RGS7: variants seen among roughly 807,000 people sequenced by gnomAD.
RGS7 encodes the protein regulator of G protein signaling 7.
A neutral mutation model predicts 81.1 loss-of-function variants in RGS7; 27 were observed. The observed-to-expected ratio is 0.33, with a 90% CI of 0.25 to 0.46. RGS7 has a LOEUF of 0.46. Among genes scored for constraint, RGS7 ranks in the 20% least tolerant of loss-of-function variants. RGS7 has a pLI of 1.00. For missense variants in RGS7, 396 were observed against 607.4 expected (o/e 0.65, Z 3.66); for synonymous variants, 208 against 207.7 (o/e 1.00, Z -0.01).
rs373878791 is a variant in RGS7, at chr1:240,936,751, T to C, written c.227-45A>G. On this transcript the variant is annotated intron_variant, in intron 4 of 18. Coordinates refer to ENST00000440928, the MANE Select transcript of RGS7 (RefSeq NM_001364886.1). ...AAAGAACATAAAAAAGCCTTTTAAATGTATTCTTTTATAGGAATGTAACGT... is the reference window on the plus strand; with the variant it reads ...AAAGAACATAAAAAAGCCTTTTAAACGTATTCTTTTATAGGAATGTAACGT... The C allele has an allele frequency of 1.2e-4, 164 of 1,418,310 alleles. 1 individual carries two copies. The East Asian group carries it at 1.3e-3, about 11-fold the overall frequency. 87.9% of individuals were successfully genotyped at this position (1,418,310 alleles called of 1,614,324 possible).
chr1:241,283,068 C>T (rs1205366730), intron 2 of RGS7, among the ~76,000 whole-genome samples: 1 of 152,102 alleles, frequency 6.6e-6, no homozygotes, highest in Non-Finnish European at 1.5e-5. Flanking sequence ...CCCTTCATGT[C>T]CTTTTATCCT....
intron 2 of RGS7, among the ~76,000 whole-genome samples, chr1:241,155,636 G>T (rs1324104303): frequency 6.7e-6 from 1 of 149,316 alleles, no homozygotes; most frequent in Non-Finnish European, 1.5e-5. Flanking sequence ...CCCAAATTGA[G>T]CACCTTTTAA....
At chr1:241,268,751 T>C (rs1915867) in intron 2 of RGS7, among the ~76,000 whole-genome samples, 129,160 of 152,122 alleles carry the variant, frequency 0.85, 55,020 homozygotes, top group East Asian at 1. Context: ...TGCTCAATGA[T>C]ACCTGCAGAC....
At chr1:241,300,030 G>C (rs1573566401) in intron 2 of RGS7, among the ~76,000 whole-genome samples, 1 of 149,552 alleles carries the variant, frequency 6.7e-6, no homozygotes, top group Non-Finnish European at 1.5e-5. Context: ...TGGGAAGATC[G>C]CCTGAACCCA....
rs149652943 is a variant in RGS7, at chr1:241,045,983, G to A, written c.175+52683C>T. On this transcript the variant is annotated intron_variant, in intron 3 of 18. Coordinates refer to ENST00000440928, the MANE Select transcript of RGS7 (RefSeq NM_001364886.1). The stretch of plus-strand genomic sequence containing the variant: ...CAATTGAAGGTGTGCCCTGGTCTAT[G>A]GAAAGTACCTTTGGCATTTAGACTT... Among the ~76,000 whole-genome samples, 3 of 150,974 alleles carry A rather than the reference G, an allele frequency of 2.0e-5. No individual in the cohort carries two copies. The East Asian group carries it at 5.8e-4, about 29-fold the overall frequency.
rs1479399427 is a variant in RGS7, at chr1:241,144,964, T to TGTGTGTGTGTGTGTGTGTGTGTG, written c.79-46203_79-46202insCACACACACACACACACACACAC. Among the ~76,000 whole-genome samples the TGTGTGTGTGTGTGTGTGTGTGTG allele has an allele frequency of 2.8e-4, 41 of 144,492 alleles. No homozygotes were observed. Among genetic ancestry groups the TGTGTGTGTGTGTGTGTGTGTGTG allele is most frequent in the African/African-American group, 1.1e-3 (39 of 36,912 alleles). The allele number at this position is 144,492 out of a possible 152,430, so 94.8% of individuals were successfully genotyped here. A position where few individuals can be genotyped will look rare whatever the true frequency, so the allele number is the denominator to read the frequency against. ...GTGTGTGTGTGTGTGTGTGTGTGTG[T>TGTGTGTGTGTGTGTGTGTGTGTG]TCGTGTTCATTCTTCCTGTTCCTGT... is the stretch of plus-strand genomic sequence containing the variant. On this transcript the variant is annotated intron_variant, in intron 2 of 18. Transcript: ENST00000440928. The surrounding 1 kb of genome is among the most constrained non-coding windows in gnomAD (Gnocchi z 4.7).
chr1:241,355,885 C>G, intron 1 of RGS7, 59 bp from the exon 2 acceptor site: 1 of 887,588 alleles, frequency 1.1e-6, no homozygotes, highest in Non-Finnish European at 1.9e-6. Flanking sequence ...GATTCATCAT[C>G]ATCATTCACA....
At chr1:240,835,574 C>A (rs1462970758) in intron 9 of RGS7, among the ~76,000 whole-genome samples, 2 of 152,196 alleles carry the variant, frequency 1.3e-5, no homozygotes, top group East Asian at 3.9e-4. Context: ...CAGCAATCAT[C>A]CTCATTGGCA....
intron 5 of RGS7, among the ~76,000 whole-genome samples, chr1:240,931,509 A>G (rs533613366): frequency 1.3e-5 from 2 of 152,314 alleles, no homozygotes; most frequent in African/African-American, 4.8e-5. Flanking sequence ...ATGACTCCAC[A>G]TTGCATCCTT....
chr1:240,961,918 G>A (rs1374490076), intron 4 of RGS7, among the ~76,000 whole-genome samples: 3 of 152,064 alleles, frequency 2.0e-5, no homozygotes, highest in Non-Finnish European at 4.4e-5. Flanking sequence ...AGGCAGAGAG[G>A]AAGGAAGGGA....
At chr1:240,847,356 T>C (rs1659280681) in intron 9 of RGS7, among the ~76,000 whole-genome samples, 1 of 152,122 alleles carries the variant, frequency 6.6e-6, no homozygotes, top group Admixed American at 6.5e-5. Flanking sequence ...AAATGAGAAG[T>C]TTGAGACTTG....
chr1:241,253,768 C>T (rs189542343), intron 2 of RGS7, among the ~76,000 whole-genome samples: 145 of 152,186 alleles, frequency 9.5e-4, no homozygotes, highest in African/African-American at 3.4e-3. Context: ...CCTCCCTTTT[C>T]CCTGGTATTC....
At chr1:241,093,229 A>C (rs1443954504) in intron 3 of RGS7, among the ~76,000 whole-genome samples, 1 of 152,136 alleles carries the variant, frequency 6.6e-6, no homozygotes, top group Admixed American at 6.5e-5. Flanking sequence ...AAACTTCTTA[A>C]AGGTTTTTTT....
At chr1:241,268,381 G>T (rs1270486931) in intron 2 of RGS7, among the ~76,000 whole-genome samples, 1 of 152,182 alleles carries the variant, frequency 6.6e-6, no homozygotes, top group African/African-American at 2.4e-5. Context: ...GTGCATCGTA[G>T]GACGTTTAGC....
chr1:240,863,969 C>T (rs1157266005), intron 9 of RGS7, among the ~76,000 whole-genome samples: 3 of 152,110 alleles, frequency 2.0e-5, no homozygotes, highest in Non-Finnish European at 2.9e-5. Flanking sequence ...GAGCTACTTA[C>T]CTGCCTGGAC....
At chr1:241,029,784 A>G (rs1044568572) in intron 3 of RGS7, among the ~76,000 whole-genome samples, 11 of 152,234 alleles carry the variant, frequency 7.2e-5, no homozygotes, top group African/African-American at 2.7e-4. Flanking sequence ...TACAATATAG[A>G]AATGGTTGCT....
chr1:241,254,464 T>C (rs569537965), intron 2 of RGS7, among the ~76,000 whole-genome samples: 3 of 152,274 alleles, frequency 2.0e-5, no homozygotes, highest in African/African-American at 7.2e-5. Context: ...TGGCTCTTCC[T>C]GGTTTGCAAA....
In RGS7 at chr1:240,793,586, A is replaced by AATATATATAT. The variant is rs777839011; in HGVS notation, c.*6+7045_*6+7054dup. On this transcript the variant is annotated intron_variant, in intron 18 of 18. Coordinates refer to ENST00000440928, the MANE Select transcript of RGS7 (RefSeq NM_001364886.1). ...TTATTTTCACTGAAGGTGTAGTAGG[A>AATATATATAT]ATATATATATATATATATATATATA... Among the ~76,000 whole-genome samples, 52 of 102,302 alleles carry AATATATATAT rather than the reference A, an allele frequency of 5.1e-4. 1 individual carries two copies. The highest frequency in any genetic ancestry group is 2.4e-3 in the African/African-American group (39 of 16,028). The allele number at this position is 102,302 out of a possible 152,430, so 67.1% of individuals were successfully genotyped here. A position where few individuals can be genotyped will look rare whatever the true frequency, so the allele number is the denominator to read the frequency against.
intron 5 of RGS7, among the ~76,000 whole-genome samples, chr1:240,934,343 T>A (rs1676228515): frequency 6.6e-6 from 1 of 152,258 alleles, no homozygotes; most frequent in Admixed American, 6.5e-5. Context: ...CTTTAATTTA[T>A]GATTTTAAAA....
Sources: allele counts gnomAD v4.1 joint callset (sites outside exome capture counted in the v4.1 genomes callset), GRCh38; gene constraint gnomAD v4.1.1; non-coding constraint Gnocchi (gnomAD v3.1); transcripts MANE v1.5; gene names NCBI Gene and HGNC (gene_info 2026-07-23, HGNC 2026-07-21).